SPOCK1: variants seen among roughly 807,000 people sequenced by gnomAD.
SPOCK1 encodes the protein testican-1.
Under a neutral mutation model 55.3 loss-of-function variants are expected in SPOCK1, and 23 were observed. The ratio of observed to expected loss-of-function variants is 0.42; its 90% CI spans 0.30 to 0.59. The LOEUF is 0.59. SPOCK1 is among the 20% of genes least tolerant of loss of function. The probability of loss-of-function intolerance (pLI) is 0.22; values close to 1 mark genes in which losing one functional copy is unlikely to be tolerated. For missense variants in SPOCK1, 499 were observed against 552.5 expected (o/e 0.90, Z 0.97); for synonymous variants, 226 against 221.0 (o/e 1.02, Z -0.20).
chr5:137,273,524 T>A, intron 2 of SPOCK1: 1 of 280,580 alleles, frequency 3.6e-6, no homozygotes. Flanking sequence ...TATGCTCTCT[T>A]AATTCACCTA....
chr5:137,018,072 AT>A (rs1274969196), intron 6 of SPOCK1, among the ~76,000 whole-genome samples: 1 of 152,246 alleles, frequency 6.6e-6, no homozygotes. Context: ...CCGAGGGGAC[AT>A]TTGGTAATGT....
chr5:137,155,358 G>T (rs539404379), intron 3 of SPOCK1, among the ~76,000 whole-genome samples: 3 of 152,280 alleles, frequency 2.0e-5, no homozygotes, highest in African/African-American at 7.2e-5. Flanking sequence ...CCCTGCTGGT[G>T]AGTCCCCTTC....
intron 2 of SPOCK1, among the ~76,000 whole-genome samples, chr5:137,397,736 A>G (rs1172418052): frequency 6.6e-6 from 1 of 152,154 alleles, no homozygotes; most frequent in Admixed American, 6.5e-5. Flanking sequence ...GTCCTTCTCC[A>G]TCAAGTGAGA....
At chr5:137,325,345 C>T (rs1036700497) in intron 2 of SPOCK1, among the ~76,000 whole-genome samples, 7 of 152,126 alleles carry the variant, frequency 4.6e-5, no homozygotes, top group Non-Finnish European at 1.5e-5. Context: ...ATCAGGAAGC[C>T]ACATGGTTTC....
intron 2 of SPOCK1, chr5:137,364,947 C>G (rs1751025076): frequency 6.6e-6 from 1 of 152,270 alleles, no homozygotes; most frequent in South Asian, 2.1e-4. Flanking sequence ...CCTTCATACT[C>G]ACTGCAGGAC....
intron 2 of SPOCK1, among the ~76,000 whole-genome samples, chr5:137,452,162 T>C (rs1189827061): frequency 6.6e-6 from 1 of 152,250 alleles, no homozygotes; most frequent in East Asian, 1.9e-4. Context: ...ACTAACCATG[T>C]AGAAAACCTT....
intron 2 of SPOCK1, among the ~76,000 whole-genome samples, chr5:137,364,752 AC>A: frequency 6.6e-6 from 1 of 152,348 alleles, no homozygotes; most frequent in Non-Finnish European, 1.5e-5. Context: ...ATCATTTTAT[AC>A]CAAGGATAGA....
intron 6 of SPOCK1, among the ~76,000 whole-genome samples, chr5:136,995,806 C>T (rs1231518372): frequency 6.6e-6 from 1 of 152,180 alleles, no homozygotes; most frequent in African/African-American, 2.4e-5. Context: ...GGATCAGGCA[C>T]TGAAATCCTG....
At chr5:137,458,669 T>G (rs569212077) in intron 2 of SPOCK1, among the ~76,000 whole-genome samples, 69 of 152,014 alleles carry the variant, frequency 4.5e-4, no homozygotes, top group African/African-American at 1.5e-3. Context: ...TGTTTGTTCG[T>G]TTTTTTTAGC....
intron 3 of SPOCK1, among the ~76,000 whole-genome samples, chr5:137,155,344 C>T (rs1193948852): frequency 6.6e-6 from 1 of 152,186 alleles, no homozygotes; most frequent in African/African-American, 2.4e-5. Context: ...AGCAGTCCCC[C>T]GTCCCCTGCT....
chr5:137,369,271 G>A (rs1751145032), intron 2 of SPOCK1, among the ~76,000 whole-genome samples: 1 of 152,248 alleles, frequency 6.6e-6, no homozygotes, highest in Admixed American at 6.5e-5. Flanking sequence ...AGGAGAAGTT[G>A]AGTGACTTGT....
intron 5 of SPOCK1, among the ~76,000 whole-genome samples, chr5:137,080,375 T>C (rs190347457): frequency 3.3e-4 from 51 of 152,346 alleles, no homozygotes; most frequent in African/African-American, 1.1e-3. Context: ...TCACATGTTT[T>C]CACAGTGTTC....
At chr5:137,333,965 A>G (rs987312210) in intron 2 of SPOCK1, among the ~76,000 whole-genome samples, 1 of 152,222 alleles carries the variant, frequency 6.6e-6, no homozygotes, top group South Asian at 2.1e-4. Flanking sequence ...CCAATGCATC[A>G]CTGTGAACAT....
chr5:137,279,512 T>C (rs982378356), intron 2 of SPOCK1, among the ~76,000 whole-genome samples: 1 of 152,150 alleles, frequency 6.6e-6, no homozygotes, highest in African/African-American at 2.4e-5. Context: ...ATCTGGCAGG[T>C]GCACGATCAT....
chr5:137,002,374 G>A (rs757517204), intron 6 of SPOCK1, among the ~76,000 whole-genome samples: 1 of 151,468 alleles, frequency 6.6e-6, no homozygotes, highest in Non-Finnish European at 1.5e-5. Flanking sequence ...GTGGAGTAAC[G>A]CTTATTTTTT....
At chr5:137,240,908 C>T (rs551930199) in intron 3 of SPOCK1, among the ~76,000 whole-genome samples, 113 of 152,150 alleles carry the variant, frequency 7.4e-4, no homozygotes, top group Non-Finnish European at 1.3e-3. Flanking sequence ...AGAAACTAAT[C>T]CAAATACAAA....
intron 3 of SPOCK1, among the ~76,000 whole-genome samples, chr5:137,164,910 A>G (rs1436637354): frequency 6.6e-6 from 1 of 152,056 alleles, no homozygotes; most frequent in Non-Finnish European, 1.5e-5. Flanking sequence ...AAAATAGAAC[A>G]CTAGGTAAAT....
chr5:137,471,393 T>C (rs1161740516), intron 2 of SPOCK1, among the ~76,000 whole-genome samples: 1 of 152,230 alleles, frequency 6.6e-6, no homozygotes, highest in Non-Finnish European at 1.5e-5. Context: ...TTGGGCAGCT[T>C]CCTTATCTGT....
intron 3 of SPOCK1, among the ~76,000 whole-genome samples, chr5:137,221,568 T>G (rs556035051): frequency 6.6e-6 from 1 of 152,324 alleles, no homozygotes; most frequent in South Asian, 2.1e-4. Flanking sequence ...TTCGATGAGA[T>G]ATTTTCAGTT....
Sources: allele counts gnomAD v4.1 joint callset (sites outside exome capture counted in the v4.1 genomes callset), GRCh38; gene constraint gnomAD v4.1.1; transcripts MANE v1.5; gene names NCBI Gene and HGNC (gene_info 2026-07-23, HGNC 2026-07-21).